ABCA5: variants seen among roughly 807,000 people sequenced by gnomAD.
The protein encoded by ABCA5 is ATP binding cassette subfamily A member 5.
ABCA5 carries 163 observed loss-of-function variants against 206.0 expected under a neutral mutation model. That is an observed-to-expected ratio of 0.79 (90% CI 0.70 to 0.90). ABCA5 has a LOEUF of 0.90. ABCA5 is among the 40% of genes least tolerant of loss of function. ABCA5 has a pLI of 0.00. For missense variants in ABCA5, 1,859 were observed against 1,912.9 expected, an observed-to-expected ratio of 0.97 and a Z score of 0.53; for synonymous variants, 609 against 613.8, an observed-to-expected ratio of 0.99 and a Z score of 0.11.
intron 1 of ABCA5, among the ~76,000 whole-genome samples, chr17:69,320,035 C>A (rs1049733195): frequency 1.3e-5 from 2 of 152,120 alleles, no homozygotes; most frequent in African/African-American, 4.8e-5. Context: ...TAGTACCTAC[C>A]TCTTTGGGTT....
At chr17:69,256,667 GCTGGTCTCAAACTC>G (rs2075086230) in intron 28 of ABCA5, among the ~76,000 whole-genome samples, 1 of 151,566 alleles carries the variant, frequency 6.6e-6, no homozygotes, top group Admixed American at 6.6e-5. Context: ...TGTTGCCCAG[GCTGGTCTCAAACTC>G]CTGGCCTCAA....
At position 69,286,210 on chromosome 17, in the gene ABCA5, A is replaced by G. The variant is rs2075450416; in HGVS notation, c.2132+11T>C. ...ATAATATAGAATAATGTCAATAAAA[A>G]TGAATGATACCTCAGGCGGTAGCCG... On this transcript the variant is annotated intron_variant, in intron 16 of 38. Transcript: ENST00000392676. 2 of 1,600,116 alleles carry G rather than the reference A, an allele frequency of 1.2e-6. No homozygotes were observed. Among genetic ancestry groups the G allele is most frequent in the African/African-American group, 2.7e-5 (2 of 73,950 alleles).
At chr17:69,251,902 C>T (rs1239162545) in intron 34 of ABCA5, 36 bp from the exon 35 acceptor site, 20 of 1,589,968 alleles carry the variant, frequency 1.3e-5, no homozygotes, top group Non-Finnish European at 1.7e-5. Flanking sequence ...GAGAGGAACA[C>T]ATCTGTTTGT....
intron 14 of ABCA5, among the ~76,000 whole-genome samples, chr17:69,288,237 A>C (rs1164713172): frequency 6.6e-6 from 1 of 152,148 alleles, no homozygotes; most frequent in Non-Finnish European, 1.5e-5. Flanking sequence ...CTGCAACAGC[A>C]AGGGGGAATG....
chr17:69,283,433 C>A (rs965005640), intron 18 of ABCA5, among the ~76,000 whole-genome samples: 2 of 152,034 alleles, frequency 1.3e-5, no homozygotes, highest in African/African-American at 4.8e-5. Flanking sequence ...GATCATGGTA[C>A]CTATTTGCTT....
At chr17:69,310,680 T>C (rs1356519448) in intron 3 of ABCA5, among the ~76,000 whole-genome samples, 1 of 152,246 alleles carries the variant, frequency 6.6e-6, no homozygotes, top group Non-Finnish European at 1.5e-5. Context: ...TATTTTCTTG[T>C]AGTTTTGTTT....
intron 1 of ABCA5, among the ~76,000 whole-genome samples, chr17:69,317,419 A>AT (rs1449723408): frequency 6.6e-6 from 1 of 151,460 alleles, no homozygotes. Flanking sequence ...AAAAAAAAAA[A>AT]AAAGGAATGA....
At position 69,259,734 on chromosome 17, in the gene ABCA5, T is replaced by TG; in HGVS notation, c.3702dup (p.Arg1235GlnfsTer17). ...AAAAAGGGATCTTTTCTTATTGATC[T>TG]GCCTCCATATTTTTTCTCATAGTAT... On this transcript the variant is annotated frameshift_variant, in exon 28 of 39. Coordinates refer to ENST00000392676, the MANE Select transcript of ABCA5 (RefSeq NM_172232.4). LOFTEE classifies it high-confidence loss of function. 1.9e-6 allele frequency: 3 copies of TG among 1,608,592 alleles called. No homozygotes were observed. The highest frequency in any genetic ancestry group is 1.7e-6 in the Non-Finnish European group (2 of 1,176,384).
intron 1 of ABCA5, among the ~76,000 whole-genome samples, chr17:69,319,200 A>G (rs1376845508): frequency 6.6e-6 from 1 of 152,192 alleles, no homozygotes; most frequent in African/African-American, 2.4e-5. Context: ...ATTATTTGCT[A>G]CAATACAAAC....
chr17:69,318,575 TA>T (rs551800326), intron 1 of ABCA5, among the ~76,000 whole-genome samples: 52 of 150,506 alleles, frequency 3.5e-4, no homozygotes, highest in South Asian at 1.5e-3. Flanking sequence ...ACTTACATAG[TA>T]AAAAAAAAGC....
intron 31 of ABCA5, among the ~76,000 whole-genome samples, chr17:69,254,757 C>G: frequency 6.6e-6 from 1 of 152,074 alleles, no homozygotes; most frequent in East Asian, 1.9e-4. Flanking sequence ...TTCCTGAGCT[C>G]AAGTGATCCT....
At chr17:69,278,078 T>C (rs764581002) in intron 18 of ABCA5, among the ~76,000 whole-genome samples, 9 of 152,014 alleles carry the variant, frequency 5.9e-5, no homozygotes, top group Non-Finnish European at 1.3e-4. Context: ...AAAACACATG[T>C]ACAAGAACAT....
At chr17:69,258,695 A>G (rs536774887) in intron 28 of ABCA5, among the ~76,000 whole-genome samples, 8 of 152,050 alleles carry the variant, frequency 5.3e-5, no homozygotes, top group African/African-American at 1.9e-4. Flanking sequence ...AATCTAAAAT[A>G]TTTTTTTTAA....
chr17:69,260,785 C>A (rs2075137958), intron 26 of ABCA5, among the ~76,000 whole-genome samples: 1 of 151,834 alleles, frequency 6.6e-6, no homozygotes, highest in Non-Finnish European at 1.5e-5. Flanking sequence ...TGGAGAAAAT[C>A]TCTTACACTT....
chr17:69,251,575 C>A (rs1232497721), intron 35 of ABCA5, 172 bp downstream of exon 35: 2 of 752,454 alleles, frequency 2.7e-6, no homozygotes, highest in South Asian at 3.1e-5. Flanking sequence ...AAGTAGACAG[C>A]CATATTTTTA....
chr17:69,312,884 A>G (rs1290415841), intron 3 of ABCA5, among the ~76,000 whole-genome samples: 3 of 152,228 alleles, frequency 2.0e-5, no homozygotes, highest in South Asian at 2.1e-4. Flanking sequence ...TACATAAAAT[A>G]TGCTTCCTAC....
chr17:69,280,902 G>C (rs1359416010), intron 18 of ABCA5, among the ~76,000 whole-genome samples: 1 of 152,112 alleles, frequency 6.6e-6, no homozygotes, highest in Non-Finnish European at 1.5e-5. Flanking sequence ...GGAGCGGGGA[G>C]GGATAGCATT....
At chr17:69,264,331 C>T (rs545187141) in intron 24 of ABCA5, among the ~76,000 whole-genome samples, 6 of 152,116 alleles carry the variant, frequency 3.9e-5, no homozygotes, top group South Asian at 2.1e-4. Flanking sequence ...TCATCTGGCT[C>T]GCAGCCTGCC....
intron 1 of ABCA5, chr17:69,314,667 A>C (rs1011759523): frequency 2.7e-6 from 1 of 368,446 alleles, no homozygotes; most frequent in Non-Finnish European, 4.8e-6. Flanking sequence ...CCATATCAAC[A>C]GTGGTACTTT....
Sources: gnomAD v4.1 joint callset for allele counts (sites outside exome capture counted in the v4.1 genomes callset) on GRCh38, gnomAD v4.1.1 for gene constraint, MANE v1.5 for transcripts, NCBI Gene and HGNC (gene_info 2026-07-23, HGNC 2026-07-21) for gene names.